PROSER2: variants seen among roughly 807,000 people sequenced by gnomAD.
PROSER2 encodes the protein proline and serine-rich protein 2.
Under a neutral mutation model 14.6 loss-of-function variants are expected in PROSER2, and 18 were observed. The observed-to-expected ratio is 1.23, with a 90% CI of 0.85 to 1.83. The LOEUF (loss-of-function observed/expected upper bound fraction) is 1.83. PROSER2 is among the 40% of genes most tolerant of loss of function. The pLI is 0.00. For synonymous variants in PROSER2, 367 were observed against 286.4 expected (o/e 1.28, Z -2.84); for missense variants, 823 against 629.8 (o/e 1.31, Z -3.28).
chr10:11,844,103 C>T (rs1833889964), intron 1 of PROSER2, among the ~76,000 whole-genome samples: 2 of 152,180 alleles, frequency 1.3e-5, no homozygotes, highest in East Asian at 1.9e-4. Flanking sequence ...GTGATCCTCC[C>T]ACTGCAGCCT....
Position 11,852,024 on chromosome 10 carries a change from G to A in PROSER2, c.-54G>A. 1.3e-6 allele frequency: 2 copies of A among 1,530,316 alleles called. No individual in the cohort carries two copies. Among genetic ancestry groups the A allele is most frequent in the Non-Finnish European group, 1.8e-6 (2 of 1,138,028 alleles). The allele number at this position is 1,530,316 out of a possible 1,614,324, so 94.8% of individuals were successfully genotyped here. A position where few individuals can be genotyped will look rare whatever the true frequency, so the allele number is the denominator to read the frequency against. On this transcript the variant is annotated 5_prime_UTR_variant, in exon 2 of 4. Coordinates refer to ENST00000277570, the MANE Select transcript of PROSER2 (RefSeq NM_153256.4). ...GTGAGCTGTTGCCGCAGAATGGGCT[G>A]CTGGCTCCTGCCCTGCTTCCTGTGA...
chr10:11,835,250 C>T (rs1833745016), intron 1 of PROSER2, among the ~76,000 whole-genome samples: 1 of 152,176 alleles, frequency 6.6e-6, no homozygotes, highest in Non-Finnish European at 1.5e-5. Context: ...CCTCTTACCT[C>T]TGCCTGAAGT....
chr10:11,853,945 C>T (rs1834076386), intron 2 of PROSER2, among the ~76,000 whole-genome samples: 1 of 152,186 alleles, frequency 6.6e-6, no homozygotes, highest in African/African-American at 2.4e-5. Flanking sequence ...TGTGATGTCT[C>T]TCTGTCTGTT....
At chr10:11,851,019 C>G (rs1479319453) in intron 1 of PROSER2, 1 of 152,246 alleles carries the variant, frequency 6.6e-6, no homozygotes. Flanking sequence ...AGGAGTGACT[C>G]CTGAGACCAG....
At chr10:11,834,649 C>A (rs1188121630) in intron 1 of PROSER2, among the ~76,000 whole-genome samples, 1 of 151,678 alleles carries the variant, frequency 6.6e-6, no homozygotes, top group African/African-American at 2.4e-5. Flanking sequence ...GCAGGAGAAT[C>A]ATTTGAACCC....
chr10:11,842,078 C>A (rs117115622), intron 1 of PROSER2, among the ~76,000 whole-genome samples: 1 of 151,928 alleles, frequency 6.6e-6, no homozygotes, highest in African/African-American at 2.4e-5. Context: ...AAAAATTTGC[C>A]GGGTATGGTG....
At position 11,869,995 on chromosome 10, in the gene PROSER2, G is replaced by C. The variant is rs1393810707; in HGVS notation, c.897G>C (p.Ala299=). ...IHGHAGAFPA[A]GDAGEGAPGG... ...GCCACGCCGGCGCCTTCCCCGCCGC[G>C]GGGGACGCCGGCGAGGGGGCCCCAG... The change falls in exon 4 of 4, where the codon GCG becomes GCC. Residue 299 remains alanine (A), a synonymous_variant. Coordinates refer to ENST00000277570, the MANE Select transcript of PROSER2 (RefSeq NM_153256.4). The surrounding 1 kb of genome is among the most constrained non-coding windows in gnomAD (Gnocchi z 4.4). 7.9e-7 allele frequency: 1 copy of C among 1,260,248 alleles called. No homozygotes were observed. The highest frequency in any genetic ancestry group is 1.6e-5 in the African/African-American group (1 of 62,092). The allele number at this position is 1,260,248 out of a possible 1,614,324, so 78.1% of individuals were successfully genotyped here. A position where few individuals can be genotyped will look rare whatever the true frequency, so the allele number is the denominator to read the frequency against.
At chr10:11,849,935 C>T (rs1363276739) in intron 1 of PROSER2, 1 of 152,252 alleles carries the variant, frequency 6.6e-6, no homozygotes, top group African/African-American at 2.4e-5. Context: ...TGTGCTCTCT[C>T]TCTCTCACCA....
intron 1 of PROSER2, among the ~76,000 whole-genome samples, chr10:11,843,279 G>A (rs2131060741): frequency 6.6e-6 from 1 of 151,310 alleles, no homozygotes; most frequent in Non-Finnish European, 1.5e-5. Context: ...TAGGCCAGGT[G>A]CAGTGGCACA....
rs1834349504 is a variant in PROSER2 at position 11,866,417 on chromosome 10, C to T, written c.139-114C>T. 2 of 1,280,970 alleles carry T rather than the reference C, an allele frequency of 1.6e-6. No individual in the cohort carries two copies. Among genetic ancestry groups the T allele is most frequent in the Non-Finnish European group, 2.2e-6 (2 of 912,814 alleles). 79.4% of individuals were successfully genotyped at this position (1,280,970 alleles called of 1,614,324 possible). ...ACTGTGTGGCAGGGTACTCTCGGGA[C>T]ACAGTGAGTTCCGCCCTGGGCTGTG... On this transcript the variant is annotated intron_variant, in intron 2 of 3. Coordinates refer to ENST00000277570, the MANE Select transcript of PROSER2 (RefSeq NM_153256.4). The surrounding 1 kb of genome is among the most constrained non-coding windows in gnomAD (Gnocchi z 6.0).
chr10:11,869,828 C>T lies in PROSER2; in HGVS notation c.730C>T (p.His244Tyr). 6.4e-7 allele frequency: 1 copy of T among 1,571,632 alleles called. No homozygotes were observed. The highest frequency in any genetic ancestry group is 8.6e-7 in the Non-Finnish European group (1 of 1,162,352). Residue 244 changes from histidine (H) to tyrosine (Y), a missense_variant, in exon 4 of 4, where the codon CAC becomes TAC. His to Tyr is a moderately conservative substitution (Grantham distance 83). Coordinates refer to ENST00000277570, the MANE Select transcript of PROSER2 (RefSeq NM_153256.4). This position sits in a 1 kb window ranked among gnomAD's most constrained non-coding sequence, Gnocchi z 4.4. ...RSGDPGPGPS[H>Y]PAQPKAPRFP... is the part of the protein sequence containing the mutation. The stretch of plus-strand genomic sequence containing the variant: ...TGGAGACCCTGGCCCGGGGCCCAGC[C>T]ACCCGGCGCAGCCCAAGGCACCCCG...
At chr10:11,832,766 CTT>C (rs1355392888) in intron 1 of PROSER2, among the ~76,000 whole-genome samples, 2 of 152,056 alleles carry the variant, frequency 1.3e-5, no homozygotes, top group African/African-American at 2.4e-5. Context: ...TGAAACTACT[CTT>C]AAGTATTTAA....
intron 2 of PROSER2, among the ~76,000 whole-genome samples, chr10:11,861,681 A>C (rs1834241740): frequency 6.6e-6 from 1 of 152,202 alleles, no homozygotes; most frequent in Non-Finnish European, 1.5e-5. Context: ...GTGCTTTTGT[A>C]AATACAGTTC....
intron 1 of PROSER2, among the ~76,000 whole-genome samples, chr10:11,848,745 G>A (rs1012369719): frequency 2.6e-5 from 4 of 152,176 alleles, no homozygotes; most frequent in Admixed American, 6.5e-5. Context: ...TTTGCAACCC[G>A]TGTTGTATCT....
intron 1 of PROSER2, chr10:11,850,154 G>A (rs540945689): frequency 6.6e-6 from 1 of 152,430 alleles, no homozygotes; most frequent in South Asian, 2.1e-4. Context: ...GAAGGGAAGT[G>A]GATACAACTG....
rs957603979 is a variant in PROSER2 at position 11,836,246 on chromosome 10, G to C, written c.-82+12776G>C. On this transcript the variant is annotated intron_variant, in intron 1 of 3. Coordinates refer to ENST00000277570, the MANE Select transcript of PROSER2 (RefSeq NM_153256.4). The surrounding 1 kb of genome is among the most constrained non-coding windows in gnomAD (Gnocchi z 4.6). ...GAGTCTCACTCTGTTGGCCAGGCTG[G>C]TGTGCAGTGGTGTGATCTCCACTCA... Among the ~76,000 whole-genome samples, 2 of 151,892 alleles carry C rather than the reference G, an allele frequency of 1.3e-5. No homozygotes were observed. The highest frequency in any genetic ancestry group is 4.8e-5 in the African/African-American group (2 of 41,348).
intron 1 of PROSER2, among the ~76,000 whole-genome samples, chr10:11,839,402 T>C (rs1833805458): frequency 6.6e-6 from 1 of 152,238 alleles, no homozygotes; most frequent in Non-Finnish European, 1.5e-5. Context: ...TTAGGTCATA[T>C]TACAAATTTT....
intron 2 of PROSER2, among the ~76,000 whole-genome samples, chr10:11,858,780 G>T (rs1007765373): frequency 6.6e-6 from 1 of 152,034 alleles, no homozygotes; most frequent in Non-Finnish European, 1.5e-5. Context: ...GGAGGCCGAG[G>T]CGGGTAGATC....
chr10:11,833,292 T>G (rs534384224), intron 1 of PROSER2, among the ~76,000 whole-genome samples: 29 of 139,296 alleles, frequency 2.1e-4, no homozygotes, highest in Non-Finnish European at 3.3e-4. Context: ...ACACCTGTAG[T>G]CCCAACTCGG....
Sources: allele counts gnomAD v4.1 joint callset (sites outside exome capture counted in the v4.1 genomes callset), GRCh38; gene constraint gnomAD v4.1.1; non-coding constraint Gnocchi (gnomAD v3.1); transcripts MANE v1.5; gene names NCBI Gene and HGNC (gene_info 2026-07-23, HGNC 2026-07-21).